Variants in MSRA observed in about 807,000 individuals in gnomAD.
MSRA encodes mitochondrial peptide methionine sulfoxide reductase.
Under a neutral mutation model 31.3 loss-of-function variants are expected in MSRA, and 54 were observed. The ratio of observed to expected loss-of-function variants is 1.73; its 90% CI spans 1.39 to 2.17. The LOEUF (loss-of-function observed/expected upper bound fraction) is 2.17. Ranked by LOEUF, MSRA falls within the 30% of genes most tolerant of loss-of-function variation. MSRA has a pLI of 0.00. For synonymous variants in MSRA, 169 were observed against 116.5 expected (o/e 1.45, Z -2.90); for missense variants, 507 against 300.9 (o/e 1.69, Z -5.07).
At chr8:10,240,127 C>T (rs973716818) in intron 2 of MSRA, among the ~76,000 whole-genome samples, 4 of 152,178 alleles carry the variant, frequency 2.6e-5, no homozygotes, top group African/African-American at 4.8e-5. Context: ...AAGTCAAACA[C>T]GTGCCAAGAA....
At chr8:10,244,660 T>G (rs1054436185) in intron 2 of MSRA, among the ~76,000 whole-genome samples, 3 of 152,194 alleles carry the variant, frequency 2.0e-5, no homozygotes, top group African/African-American at 7.2e-5. Context: ...TATGTTGATT[T>G]TGGAAGTTTT....
chr8:10,173,461 G>T (rs1238755042), intron 1 of MSRA, among the ~76,000 whole-genome samples: 1 of 152,198 alleles, frequency 6.6e-6, no homozygotes, highest in Admixed American at 6.5e-5. Context: ...GCCTCACCTT[G>T]CATCTATACT....
chr8:10,211,770 G>C (rs759058666), intron 2 of MSRA, among the ~76,000 whole-genome samples: 3 of 152,040 alleles, frequency 2.0e-5, no homozygotes, highest in African/African-American at 7.2e-5. Context: ...CTCTCTGGCC[G>C]TCAATATCTT....
At chr8:10,099,176 C>T (rs1443955988) in intron 1 of MSRA, among the ~76,000 whole-genome samples, 1 of 152,072 alleles carries the variant, frequency 6.6e-6, no homozygotes, top group Non-Finnish European at 1.5e-5. Flanking sequence ...TTCTCTGATA[C>T]AAAAAGAAGG....
At chr8:10,089,137 C>G (rs1007681482) in intron 1 of MSRA, among the ~76,000 whole-genome samples, 3 of 74,830 alleles carry the variant, frequency 4.0e-5, no homozygotes, top group African/African-American at 7.8e-5. Flanking sequence ...CTGCTTTTGT[C>G]CCACACACAC....
At chr8:10,409,269 G>C (rs1447231439) in intron 5 of MSRA, among the ~76,000 whole-genome samples, 4 of 152,158 alleles carry the variant, frequency 2.6e-5, no homozygotes, top group Non-Finnish European at 5.9e-5. Flanking sequence ...ATTCTGACTG[G>C]TGTAAGATGA....
At chr8:10,247,169 A>G (rs1261424708) in intron 3 of MSRA, among the ~76,000 whole-genome samples, 1 of 152,234 alleles carries the variant, frequency 6.6e-6, no homozygotes, top group Admixed American at 6.5e-5. Context: ...TATGCCAGAC[A>G]CTGTAATAAG....
Position 10,209,731 on chromosome 8 carries a change from G to T in MSRA, c.211+1830G>T, listed in dbSNP as rs951246195. ...AGGCCTCTGCAGCTCTAGGCCCTTG[G>T]CCTTTACCTCTTACGCCTTCAGGAC... On this transcript the variant is annotated intron_variant, in intron 2 of 5. Coordinates refer to ENST00000317173, the MANE Select transcript of MSRA (RefSeq NM_012331.5). 6.6e-5 allele frequency among the ~76,000 whole-genome samples: 10 copies of T among 152,268 alleles called. No individual in the cohort carries two copies. In the East Asian group the frequency reaches 1.9e-3, roughly 29 times the overall value.
At chr8:10,427,003 CAG>C (rs1176504334) in intron 5 of MSRA, among the ~76,000 whole-genome samples, 2 of 38,966 alleles carry the variant, frequency 5.1e-5, no homozygotes, top group Admixed American at 2.5e-4. Flanking sequence ...GACGGCGAAA[CAG>C]AGATGCAGGA....
chr8:10,287,648 G>T (rs1429044860), intron 3 of MSRA, among the ~76,000 whole-genome samples: 1 of 152,130 alleles, frequency 6.6e-6, no homozygotes. Context: ...GTGAATTTTT[G>T]CTCAGGGCTT....
intron 1 of MSRA, among the ~76,000 whole-genome samples, chr8:10,183,583 G>C (rs1806738291): frequency 6.6e-6 from 1 of 152,152 alleles, no homozygotes; most frequent in African/African-American, 2.4e-5. Context: ...TCAGATTGTG[G>C]AGAATAGCAA....
chr8:10,219,979 A>T (rs17151373), intron 2 of MSRA, among the ~76,000 whole-genome samples: 26,613 of 151,794 alleles, frequency 0.18, 2,644 homozygotes, highest in East Asian at 0.29. Flanking sequence ...AAGCCTAAGA[A>T]GTGGGATTCA....
rs947666769 is a variant in MSRA, at chr8:10,301,453, G to T, written c.332-81G>T. The T allele has an allele frequency of 3.3e-5, 35 of 1,075,238 alleles. No individual in the cohort carries two copies. In the Middle Eastern group the frequency reaches 1.0e-3, roughly 31 times the overall value. 66.6% of individuals were successfully genotyped at this position (1,075,238 alleles called of 1,614,324 possible). On this transcript the variant is annotated intron_variant, in intron 3 of 5. Coordinates refer to ENST00000317173, the MANE Select transcript of MSRA (RefSeq NM_012331.5). Reference sequence around the variant, plus strand: ...CAGGGTAGAGTTTCAGCTTTTGTCTGTTGTTTTTTTTGTGAACAAAAAACT... The same window carrying T: ...CAGGGTAGAGTTTCAGCTTTTGTCTTTTGTTTTTTTTGTGAACAAAAAACT...
At chr8:10,286,988 C>T (rs944430859) in intron 3 of MSRA, among the ~76,000 whole-genome samples, 8 of 152,302 alleles carry the variant, frequency 5.3e-5, no homozygotes, top group Non-Finnish European at 8.8e-5. Flanking sequence ...GCGATTCGTC[C>T]AAATCAAATA....
intron 5 of MSRA, among the ~76,000 whole-genome samples, chr8:10,324,566 T>G (rs180950214): frequency 5.9e-5 from 9 of 152,316 alleles, no homozygotes; most frequent in African/African-American, 2.2e-4. Flanking sequence ...AGTGTCTCTT[T>G]GTGTACCCCA....
chr8:10,061,959 G>C (rs117733162), intron 1 of MSRA, among the ~76,000 whole-genome samples: 9 of 152,180 alleles, frequency 5.9e-5, no homozygotes, highest in African/African-American at 1.7e-4. Context: ...CTTGGCCTGC[G>C]ATCTTCAGGC....
chr8:10,343,880 C>T (rs1803599597), intron 5 of MSRA, among the ~76,000 whole-genome samples: 1 of 152,212 alleles, frequency 6.6e-6, no homozygotes, highest in Non-Finnish European at 1.5e-5. Context: ...CCGTATGCTA[C>T]CTCAGATCCT....
chr8:10,151,607 G>C (rs186663761), intron 1 of MSRA, among the ~76,000 whole-genome samples: 3 of 151,288 alleles, frequency 2.0e-5, no homozygotes, highest in Non-Finnish European at 4.4e-5. Context: ...CCCAGATCGC[G>C]CCACTGCACT....
At chr8:10,412,355 T>C (rs1808209265) in intron 5 of MSRA, among the ~76,000 whole-genome samples, 1 of 152,216 alleles carries the variant, frequency 6.6e-6, no homozygotes, top group Admixed American at 6.5e-5. Flanking sequence ...GTACTTTGTG[T>C]AATGCCCGAA....
Sources: gnomAD v4.1 joint callset for allele counts (sites outside exome capture counted in the v4.1 genomes callset) on GRCh38, gnomAD v4.1.1 for gene constraint, MANE v1.5 for transcripts, NCBI Gene and HGNC (gene_info 2026-07-23, HGNC 2026-07-21) for gene names.